The following ANK3 variants were observed in gnomAD, a reference collection of about 807,000 sequenced individuals.
ANK3 encodes the protein ankyrin-3.
Under a neutral mutation model 370.9 loss-of-function variants are expected in ANK3, and 57 were observed. That is an observed-to-expected ratio of 0.15 (90% CI 0.12 to 0.19). The LOEUF (loss-of-function observed/expected upper bound fraction) is 0.19, where lower values mean the gene tolerates loss of function less well. Ranked by LOEUF, ANK3 falls within the 10% of genes least tolerant of loss-of-function variation. The pLI is 1.00. For missense variants in ANK3, 4,439 were observed against 5,302.1 expected, an observed-to-expected ratio of 0.84 and a Z score of 5.06; for synonymous variants, 1,929 against 1,946.3, an observed-to-expected ratio of 0.99 and a Z score of 0.23.
chr10:60,047,242 G>A (rs7896686), intron 42 of ANK3, among the ~76,000 whole-genome samples: 8,777 of 152,202 alleles, frequency 0.058, 901 homozygotes, highest in African/African-American at 0.2. Flanking sequence ...GAAAATTATA[G>A]CACATGTGGT....
intron 42 of ANK3, among the ~76,000 whole-genome samples, chr10:60,045,203 C>A (rs1335634538): frequency 6.6e-6 from 1 of 152,222 alleles, no homozygotes; most frequent in Non-Finnish European, 1.5e-5. Flanking sequence ...TCACCATTGG[C>A]TGGCATTGAC....
chr10:60,212,925 T>C (rs973111932), intron 9 of ANK3, among the ~76,000 whole-genome samples: 2 of 152,130 alleles, frequency 1.3e-5, no homozygotes, highest in South Asian at 2.1e-4. Context: ...GCAATCATCA[T>C]GTGTTCCTTT....
At chr10:60,679,640 A>G (rs1255336106) in intron 1 of ANK3, among the ~76,000 whole-genome samples, 1 of 152,182 alleles carries the variant, frequency 6.6e-6, no homozygotes, top group Non-Finnish European at 1.5e-5. Context: ...GCCACCGTGC[A>G]TGCGGATAGC....
intron 2 of ANK3, among the ~76,000 whole-genome samples, chr10:60,492,778 A>G (rs1049037058): frequency 6.1e-5 from 9 of 148,658 alleles, no homozygotes; most frequent in African/African-American, 2.2e-4. Flanking sequence ...GGGGAAAATA[A>G]TAAGAAAAGC....
chr10:60,663,488 A>C (rs2133374361), intron 1 of ANK3, among the ~76,000 whole-genome samples: 1 of 139,394 alleles, frequency 7.2e-6, no homozygotes, highest in South Asian at 2.2e-4. Context: ...TCTGCTTAAG[A>C]GCACGAAGGG....
chr10:60,108,278 T>C (rs1233914859), intron 27 of ANK3: 1 of 402,240 alleles, frequency 2.5e-6, no homozygotes, highest in Non-Finnish European at 4.8e-6. Context: ...GGTAGGAAGA[T>C]GCAGTTTACT....
chr10:60,483,953 T>C (rs74946632), intron 2 of ANK3, among the ~76,000 whole-genome samples: 11,730 of 152,262 alleles, frequency 0.077, 610 homozygotes, highest in South Asian at 0.17. Flanking sequence ...TTGACTTGAT[T>C]AAGCTAACAT....
intron 35 of ANK3, chr10:60,081,680 G>C: frequency 3.1e-6 from 1 of 321,672 alleles, no homozygotes; most frequent in Non-Finnish European, 6.1e-6. Context: ...ATAACATGCT[G>C]GATAGTAGGA....
intron 1 of ANK3, among the ~76,000 whole-genome samples, chr10:60,697,938 A>C (rs964522486): frequency 5.3e-5 from 8 of 152,084 alleles, no homozygotes; most frequent in African/African-American, 1.9e-4. Flanking sequence ...TCTGCACAGC[A>C]AAAGAAACTA....
rs189230445 is a variant in ANK3, at chr10:60,064,989, C to T, written c.12320-701G>A. ...AGGTATACAATTCATGTATATGGCA[C>T]AAGAGATGCTGATAGGGTTTGTGCT... On this transcript the variant is annotated intron_variant, in intron 38 of 43. Transcript: ENST00000280772. 5.1e-4 allele frequency among the ~76,000 whole-genome samples: 77 copies of T among 152,302 alleles called. 1 individual carries two copies. The East Asian group carries it at 0.013, about 26-fold the overall frequency.
chr10:60,607,829 A>G (rs1367105838), intron 2 of ANK3, among the ~76,000 whole-genome samples: 4 of 152,204 alleles, frequency 2.6e-5, no homozygotes, highest in Admixed American at 2.6e-4. Context: ...GCCAAGAGTG[A>G]GGCTGTACCC....
chr10:60,095,734 C>T (rs2089988602), intron 28 of ANK3, among the ~76,000 whole-genome samples: 2 of 152,228 alleles, frequency 1.3e-5, no homozygotes, highest in South Asian at 2.1e-4. Context: ...TCTAATCTTC[C>T]TACTTTTTAA....
At chr10:60,335,383 G>A (rs1049515268) in intron 1 of ANK3, among the ~76,000 whole-genome samples, 32 of 152,080 alleles carry the variant, frequency 2.1e-4, no homozygotes, top group Middle Eastern at 3.4e-3. Context: ...CATAGTAGAG[G>A]GAATTTTTTT....
chr10:60,560,490 A>G (rs1302832716), intron 2 of ANK3, among the ~76,000 whole-genome samples: 1 of 152,222 alleles, frequency 6.6e-6, no homozygotes, highest in East Asian at 1.9e-4. Context: ...GTCTAACTTT[A>G]TAAGTGCCCT....
intron 2 of ANK3, among the ~76,000 whole-genome samples, chr10:60,542,851 T>C (rs533145578): frequency 9.8e-4 from 149 of 152,068 alleles, no homozygotes; most frequent in African/African-American, 3.3e-3. Context: ...ACGTTTTCTT[T>C]TACTTATTTT....
At chr10:60,377,129 G>C (rs1241107900) in intron 1 of ANK3, among the ~76,000 whole-genome samples, 1 of 152,138 alleles carries the variant, frequency 6.6e-6, no homozygotes, top group Non-Finnish European at 1.5e-5. Flanking sequence ...TTATTGAATC[G>C]GGGTGCAGTG....
intron 8 of ANK3, among the ~76,000 whole-genome samples, chr10:60,232,201 G>T (rs2097256234): frequency 6.6e-6 from 1 of 152,114 alleles, no homozygotes; most frequent in African/African-American, 2.4e-5. Flanking sequence ...AAATCATTTT[G>T]CTGTTCTGTT....
intron 1 of ANK3, among the ~76,000 whole-genome samples, chr10:60,719,094 T>TTTTTGTTTTG (rs1297018447): frequency 6.6e-6 from 1 of 152,120 alleles, no homozygotes; most frequent in Non-Finnish European, 1.5e-5. Context: ...TTTCTTTTGC[T>TTTTTGTTTTG]TTTTGTTTTG....
rs147318982 is a variant in ANK3, at chr10:60,055,734, C to T, written c.12989G>A (p.Ser4330Asn). 5.0e-6 allele frequency: 8 copies of T among 1,614,152 alleles called. No homozygotes were observed. The South Asian group carries it at 7.7e-5, about 16-fold the overall frequency. ...PCVPVSMKKM[S>N]RTSPADGKPR... ...CTTGCCATCTGCTGGAGAAGTCCTA[C>T]TCATCTTTTTCATACTGACAGGCAC... Residue 4330 changes from serine to asparagine, a missense_variant, in exon 42 of 44, where the codon AGT becomes AAT. Transcript: ENST00000280772.
Sources: allele counts gnomAD v4.1 joint callset (sites outside exome capture counted in the v4.1 genomes callset), GRCh38; gene constraint gnomAD v4.1.1; transcripts MANE v1.5; gene names NCBI Gene and HGNC (gene_info 2026-07-23, HGNC 2026-07-21).